The following KYNU variants were observed in gnomAD, a reference collection of about 807,000 sequenced individuals.
KYNU encodes L-kynurenine hydrolase.
A neutral mutation model predicts 59.2 loss-of-function variants in KYNU; 54 were observed. The observed-to-expected ratio is 0.91, with a 90% CI of 0.73 to 1.14. KYNU has a LOEUF of 1.14. Ranked by LOEUF, KYNU falls within the 50% of genes most tolerant of loss-of-function variation. The pLI is 0.00. For missense variants in KYNU, 567 were observed against 554.4 expected (o/e 1.02, Z -0.23); for synonymous variants, 177 against 192.0 (o/e 0.92, Z 0.65).
intron 2 of KYNU, among the ~76,000 whole-genome samples, chr2:142,912,890 T>TTAC (rs1369455655): frequency 6.6e-6 from 1 of 151,432 alleles, no homozygotes; most frequent in South Asian, 2.1e-4. Flanking sequence ...TTTTTTGTAT[T>TTAC]TTTAGTAGAG....
intron 8 of KYNU, 96 bp downstream of exon 8, chr2:142,960,866 T>C: frequency 7.6e-7 from 1 of 1,310,720 alleles, no homozygotes; most frequent in South Asian, 1.2e-5. Context: ...TTAGCTTGTG[T>C]CTGAGTAAAA....
intron 7 of KYNU, among the ~76,000 whole-genome samples, chr2:142,959,940 T>G (rs139491477): frequency 5.4e-4 from 83 of 152,296 alleles, no homozygotes; most frequent in Middle Eastern, 3.4e-3. Flanking sequence ...TAGTTTAGTT[T>G]TTTTCTGAGA....
At chr2:143,005,198 C>G (rs1008124901) in intron 10 of KYNU, among the ~76,000 whole-genome samples, 13 of 152,156 alleles carry the variant, frequency 8.5e-5, no homozygotes, top group African/African-American at 3.1e-4. Flanking sequence ...TATGATGAGA[C>G]TGCAGTCACA....
chr2:142,919,754 C>T (rs1304350950), intron 3 of KYNU, among the ~76,000 whole-genome samples: 3 of 151,906 alleles, frequency 2.0e-5, no homozygotes, highest in Admixed American at 6.6e-5. Flanking sequence ...GCCAACGTGG[C>T]GAAACCTCAC....
chr2:142,894,643 G>C (rs556129303), intron 2 of KYNU, among the ~76,000 whole-genome samples: 8 of 152,128 alleles, frequency 5.3e-5, no homozygotes, highest in Non-Finnish European at 8.8e-5. Context: ...GTATCAACTT[G>C]TGGCATGTGA....
At chr2:142,962,865 G>A (rs925475950) in intron 8 of KYNU, among the ~76,000 whole-genome samples, 3 of 152,160 alleles carry the variant, frequency 2.0e-5, no homozygotes, top group Non-Finnish European at 4.4e-5. Context: ...GACTTCGATA[G>A]GTCTCTCTGG....
chr2:142,960,579 TTTA>T (rs1684308174), intron 7 of KYNU, 42 bp from the exon 8 acceptor site: 3 of 1,565,086 alleles, frequency 1.9e-6, no homozygotes, highest in Non-Finnish European at 1.8e-6. Context: ...AAATTACAAA[TTTA>T]TTATTATCGA....
chr2:143,026,919 T>G (rs1007625849), intron 10 of KYNU, among the ~76,000 whole-genome samples: 1 of 152,178 alleles, frequency 6.6e-6, no homozygotes, highest in Non-Finnish European at 1.5e-5. Context: ...GCCACTTCTC[T>G]CCGATGCCCA....
At chr2:142,910,131 CTTTTTTTTT>C (rs368644903) in intron 2 of KYNU, among the ~76,000 whole-genome samples, 6 of 105,472 alleles carry the variant, frequency 5.7e-5, no homozygotes, top group Non-Finnish European at 1.0e-4. Context: ...TGTTCTTTGC[CTTTTTTTTT>C]TTTTTTTTTT....
At chr2:142,953,921 T>C in intron 4 of KYNU, 1 of 152,208 alleles carries the variant, frequency 6.6e-6, no homozygotes, top group East Asian at 1.9e-4. Flanking sequence ...ATGTACTGTC[T>C]ATTCTTTTAA....
chr2:142,998,431 A>G (rs1278958534), intron 10 of KYNU, among the ~76,000 whole-genome samples: 1 of 152,192 alleles, frequency 6.6e-6, no homozygotes, highest in Non-Finnish European at 1.5e-5. Flanking sequence ...CTTAAAATGA[A>G]TTTAACTTCC....
At chr2:142,977,372 G>GAGATATATATATATATAT (rs1553484697) in intron 8 of KYNU, among the ~76,000 whole-genome samples, 2 of 131,148 alleles carry the variant, frequency 1.5e-5, no homozygotes, top group African/African-American at 5.8e-5. Context: ...ATTTTGTGTG[G>GAGATATATATATATATAT]ATATATATAT....
Position 143,055,241 on chromosome 2 carries a change from CA to C in KYNU, c.*13073del. 1 of 152,282 alleles carries C rather than the reference CA, an allele frequency of 6.6e-6. No individual in the cohort carries two copies. The highest frequency in any genetic ancestry group is 1.9e-4 in the East Asian group (1 of 5,178). The allele number at this position is 152,282 out of a possible 1,614,324, so 9.4% of individuals were successfully genotyped here. On this transcript the variant is annotated 3_prime_UTR_variant, in exon 14 of 14. Coordinates refer to ENST00000264170, the MANE Select transcript of KYNU (RefSeq NM_003937.3). The stretch of plus-strand genomic sequence containing the variant: ...AAGTTCAACATGGGTCTCATGAGAT[CA>C]AAAGCAAGGCCTTGGCAGGGTGACG...
At chr2:143,034,330 G>T (rs1686834385) in intron 12 of KYNU, among the ~76,000 whole-genome samples, 1 of 152,052 alleles carries the variant, frequency 6.6e-6, no homozygotes, top group African/African-American at 2.4e-5. Context: ...TGTAGTTTAT[G>T]ATATTTTGGC....
chr2:142,964,573 A>G (rs970133814), intron 8 of KYNU: 1 of 152,256 alleles, frequency 6.6e-6, no homozygotes, highest in East Asian at 1.9e-4. Context: ...GATTTTCTAT[A>G]TATCTTTTAT....
intron 10 of KYNU, among the ~76,000 whole-genome samples, chr2:143,028,574 G>C (rs1280295564): frequency 6.7e-5 from 10 of 150,306 alleles, no homozygotes; most frequent in Admixed American, 6.6e-4. Context: ...GGCCAGGCGT[G>C]GTGGCTCAGG....
intron 3 of KYNU, among the ~76,000 whole-genome samples, chr2:142,921,033 G>A (rs1043535716): frequency 6.6e-6 from 1 of 152,190 alleles, no homozygotes; most frequent in Non-Finnish European, 1.5e-5. Flanking sequence ...CAAAGTGATT[G>A]AGGGCCTGCC....
At chr2:142,961,203 A>G (rs1365934914) in intron 8 of KYNU, among the ~76,000 whole-genome samples, 7 of 151,876 alleles carry the variant, frequency 4.6e-5, no homozygotes, top group Middle Eastern at 6.8e-3. Flanking sequence ...AAAAAAAAAA[A>G]AGCGAGTAAA....
chr2:142,894,248 A>G (rs1681798942), intron 2 of KYNU, among the ~76,000 whole-genome samples: 1 of 152,114 alleles, frequency 6.6e-6, no homozygotes. Context: ...ATTTTTCTCC[A>G]TCTTCTTCCT....
Sources: allele counts gnomAD v4.1 joint callset (sites outside exome capture counted in the v4.1 genomes callset), GRCh38; gene constraint gnomAD v4.1.1; transcripts MANE v1.5; gene names NCBI Gene and HGNC (gene_info 2026-07-23, HGNC 2026-07-21).